ADAMTS10: variants seen among roughly 807,000 people sequenced by gnomAD.
ADAMTS10 encodes the protein A disintegrin and metalloproteinase with thrombospondin motifs 10.
ADAMTS10 carries 48 observed loss-of-function variants against 135.9 expected under a neutral mutation model. The ratio of observed to expected loss-of-function variants is 0.35; its 90% confidence interval spans 0.28 to 0.45. The LOEUF is 0.45. Ranked by LOEUF, ADAMTS10 falls within the 20% of genes least tolerant of loss-of-function variation. The pLI, the probability that ADAMTS10 is intolerant of heterozygous loss-of-function variation, is 1.00. For synonymous variants in ADAMTS10, 621 were observed against 647.5 expected (o/e 0.96, Z 0.62); for missense variants, 1,131 against 1,565.2 (o/e 0.72, Z 4.68).
Position 8,589,795 on chromosome 19 carries a change from G to A in ADAMTS10, c.1900+94C>T, listed in dbSNP as rs750248798. On this transcript the variant is annotated intron_variant, in intron 16 of 25. Coordinates refer to ENST00000597188, the MANE Select transcript of ADAMTS10 (RefSeq NM_030957.4). ...CTCCCCGGGTGGGGACAGGGCTCAGGGCAGACCCCGGGATGCTGCATTCAT... is the reference window on the plus strand; with the variant it reads ...CTCCCCGGGTGGGGACAGGGCTCAGAGCAGACCCCGGGATGCTGCATTCAT... 84 of 1,451,046 alleles carry A rather than the reference G, an allele frequency of 5.8e-5. 1 individual carries two copies. Among genetic ancestry groups the A allele is most frequent in the South Asian group, 5.2e-4 (44 of 85,408 alleles). 89.9% of individuals were successfully genotyped at this position (1,451,046 alleles called of 1,614,324 possible). A position where few individuals can be genotyped will look rare whatever the true frequency, so the allele number is the denominator to read the frequency against.
intron 25 of ADAMTS10, 134 bp from the exon 26 acceptor site, chr19:8,581,136 T>C (rs1555735730): frequency 2.3e-5 from 4 of 171,040 alleles, no homozygotes; most frequent in African/African-American, 5.2e-5. Flanking sequence ...TTTACTTTTT[T>C]TTTTTTTTTT....
Position 8,605,373 on chromosome 19 carries a change from C to T in ADAMTS10, c.89-15G>A, listed in dbSNP as rs1555742376. ...CAGGAACTCATCTGTGGGTGAGGGT[C>T]AGAGGCCTGGGGTGGGCCCTGGTCT... On this transcript the variant is annotated splice_polypyrimidine_tract_variant and intron_variant, in intron 3 of 25. Transcript: ENST00000597188. This position sits in a 1 kb window ranked among gnomAD's most constrained non-coding sequence, Gnocchi z 7.7. 4 of 1,582,360 alleles carry T rather than the reference C, an allele frequency of 2.5e-6. No homozygotes were observed. The highest frequency in any genetic ancestry group is 3.3e-4 in the Middle Eastern group (2 of 6,014).
intron 6 of ADAMTS10, 67 bp from the exon 7 acceptor site, chr19:8,597,384 A>G: frequency 7.2e-7 from 1 of 1,382,376 alleles, no homozygotes; most frequent in Admixed American, 1.9e-5. Flanking sequence ...GAAAAGCAAA[A>G]ACAATGATAA....
intron 1 of ADAMTS10, among the ~76,000 whole-genome samples, chr19:8,610,293 T>C (rs1448800127): frequency 1.3e-5 from 2 of 150,798 alleles, no homozygotes; most frequent in Admixed American, 6.6e-5. Flanking sequence ...CACACTCGCC[T>C]CCAGATCTGC....
chr19:8,585,549 G>A lies in ADAMTS10; in HGVS notation c.2772C>T (p.Asp924=), dbSNP rs781947411. 5.7e-6 allele frequency: 9 copies of A among 1,590,078 alleles called. No individual in the cohort carries two copies. In the South Asian group the frequency reaches 7.9e-5, roughly 14 times the overall value. ...GGCGCGGCTGCGGGCATGCGCTGTCGTCCAGCGCCTTCTCCTCCGCGGCAG... is the reference window on the plus strand; with the variant it reads ...GGCGCGGCTGCGGGCATGCGCTGTCATCCAGCGCCTTCTCCTCCGCGGCAG... ...RVSAAEEKAL[D]DSACPQPRPP... The change falls in exon 23 of 26, where the codon GAC becomes GAT. Residue 924 remains aspartate, a synonymous_variant. Transcript: ENST00000597188.
chr19:8,602,442 C>A, intron 5 of ADAMTS10, among the ~76,000 whole-genome samples: 1 of 152,018 alleles, frequency 6.6e-6, no homozygotes, highest in East Asian at 1.9e-4. Flanking sequence ...CCTTAGCCTC[C>A]CAAGTAGCTG....
In ADAMTS10 at chr19:8,605,170, G is replaced by C. The variant is rs1474147548; in HGVS notation, c.277C>G (p.Arg93Gly). 1 of 1,613,948 alleles carries C rather than the reference G, an allele frequency of 6.2e-7. No individual in the cohort carries two copies. Among genetic ancestry groups the C allele is most frequent in the African/African-American group, 1.3e-5 (1 of 74,944 alleles). Reference protein sequence around the residue: ...PSTHFLLNLTRSSRLLAGHVS... With the variant: ...PSTHFLLNLTGSSRLLAGHVS... ...TGCCCTGCCAGTAGACGGGAGCTGC[G>C]GGTCAGGTTCAGCAGGAAGTGGGTG... Residue 93 changes from arginine (R) to glycine (G), a missense_variant, in exon 4 of 26, where the codon CGC becomes GGC. By Grantham distance (125) the Arg-to-Gly change is moderately radical. Around this residue, in one of 3 missense-constraint regions of ADAMTS10, gnomAD observed 306 missense variants for 344.4 expected, o/e 0.89. Coordinates refer to ENST00000597188, the MANE Select transcript of ADAMTS10 (RefSeq NM_030957.4). The surrounding 1 kb of genome is among the most constrained non-coding windows in gnomAD (Gnocchi z 7.7).
intron 12 of ADAMTS10, among the ~76,000 whole-genome samples, chr19:8,595,392 T>C (rs781798158): frequency 6.6e-6 from 1 of 152,088 alleles, no homozygotes; most frequent in African/African-American, 2.4e-5. Flanking sequence ...CCCAGGGAAA[T>C]TATTTCCGTC....
chr19:8,591,513 C>T (rs544541627), intron 15 of ADAMTS10, among the ~76,000 whole-genome samples: 34 of 150,670 alleles, frequency 2.3e-4, no homozygotes, highest in Middle Eastern at 6.9e-3. Context: ...GCGATCTCGG[C>T]TCACTGCAGC....
In ADAMTS10 at chr19:8,605,882, G is replaced by T; in HGVS notation, c.-99-73C>A. The T allele has an allele frequency of 7.3e-7, 1 of 1,362,558 alleles. No homozygotes were observed. The highest frequency in any genetic ancestry group is 9.7e-7 in the Non-Finnish European group (1 of 1,031,920). 84.4% of individuals were successfully genotyped at this position (1,362,558 alleles called of 1,614,324 possible). ...CACAACCAATGCCAAGGCCAATCAT[G>T]GCCAAAGCTTTTCACCTGACTCTGA... On this transcript the variant is annotated intron_variant, in intron 2 of 25. Transcript: ENST00000597188. This position sits in a 1 kb window ranked among gnomAD's most constrained non-coding sequence, Gnocchi z 7.7.
chr19:8,601,045 C>G lies in ADAMTS10; in HGVS notation c.693G>C (p.Leu231=). 1 of 1,614,194 alleles carries G rather than the reference C, an allele frequency of 6.2e-7. No homozygotes were observed. Residue 231 remains leucine, a synonymous_variant, in exon 6 of 26, where the codon CTG becomes CTC. Transcript: ENST00000597188. This position sits in a 1 kb window ranked among gnomAD's most constrained non-coding sequence, Gnocchi z 4.6. ...GNETERGQPG[L]KRSVSRERYV... ...AGCGCTCTCGGCTGACCGATCGCTT[C>G]AGGCCTGGCTGGCCACGCTCTGTTT...
At chr19:8,583,637 A>G (rs1484716593) in intron 25 of ADAMTS10, among the ~76,000 whole-genome samples, 1 of 151,474 alleles carries the variant, frequency 6.6e-6, no homozygotes, top group Non-Finnish European at 1.5e-5. Context: ...ACTTGAGGCC[A>G]GGAGTTCAAG....
chr19:8,585,117 G>A lies in ADAMTS10; in HGVS notation c.3042+15C>T, dbSNP rs1555736541. The A allele has an allele frequency of 2.1e-6, 3 of 1,453,444 alleles. No individual in the cohort carries two copies. The highest frequency in any genetic ancestry group is 2.9e-5 in the African/African-American group (2 of 68,584). 90.0% of individuals were successfully genotyped at this position (1,453,444 alleles called of 1,614,324 possible). On this transcript the variant is annotated intron_variant, in intron 24 of 25. Transcript: ENST00000597188. Reference sequence around the variant, plus strand: ...CCTGCCCTGGCCCCCACCCCTCTGGGGCGCGCCCTCCTACCTCACCCCACT... The same window carrying A: ...CCTGCCCTGGCCCCCACCCCTCTGGAGCGCGCCCTCCTACCTCACCCCACT...
rs1048839183 is a variant in ADAMTS10 at position 8,585,163 on chromosome 19, G to A, written c.3011C>T (p.Pro1004Leu). Residue 1004 changes from proline (P) to leucine (L), a missense_variant, in exon 24 of 26, where the codon CCG becomes CTG. Around this residue, in one of 3 missense-constraint regions of ADAMTS10, gnomAD observed 745 missense variants for 1,056.3 expected, o/e 0.71. Coordinates refer to ENST00000597188, the MANE Select transcript of ADAMTS10 (RefSeq NM_030957.4). ...CCACTCGCCAGCCACCCAGCGGGCC[G>A]GGGGGCAGCGGCGCAAGTTGCAGCG... ...TMRCNLRRCP[P>L]ARWVAGEWGE... 6.5e-5 allele frequency: 92 copies of A among 1,408,954 alleles called. No homozygotes were observed. The highest frequency in any genetic ancestry group is 7.5e-5 in the Non-Finnish European group (82 of 1,087,250). The allele number at this position is 1,408,954 out of a possible 1,614,324, so 87.3% of individuals were successfully genotyped here. A position where few individuals can be genotyped will look rare whatever the true frequency, so the allele number is the denominator to read the frequency against.
At chr19:8,609,639 C>G (rs78127325) in intron 1 of ADAMTS10, among the ~76,000 whole-genome samples, 2 of 152,072 alleles carry the variant, frequency 1.3e-5, no homozygotes, top group Non-Finnish European at 2.9e-5. Flanking sequence ...AGGGGGCCGG[C>G]GCCCGGGCTG....
intron 25 of ADAMTS10, among the ~76,000 whole-genome samples, chr19:8,581,549 A>G (rs1324021896): frequency 6.6e-6 from 1 of 152,040 alleles, no homozygotes; most frequent in Non-Finnish European, 1.5e-5. Flanking sequence ...AAAAGAAAAA[A>G]ATAGGCTGGG....
Position 8,605,518 on chromosome 19 carries a change from C to T in ADAMTS10, c.88+105G>A, listed in dbSNP as rs2045923429. 14 of 1,471,236 alleles carry T rather than the reference C, an allele frequency of 9.5e-6. 1 individual carries two copies. In the South Asian group the frequency reaches 1.6e-4, roughly 17 times the overall value. The allele number at this position is 1,471,236 out of a possible 1,614,324, so 91.1% of individuals were successfully genotyped here. A position where few individuals can be genotyped will look rare whatever the true frequency, so the allele number is the denominator to read the frequency against. ...CGCCTATTGACCCCAGGGCCTTCCC[C>T]CATTGACCCCCATCCCAGCCCCCTG... On this transcript the variant is annotated intron_variant, in intron 3 of 25. Coordinates refer to ENST00000597188, the MANE Select transcript of ADAMTS10 (RefSeq NM_030957.4). This position sits in a 1 kb window ranked among gnomAD's most constrained non-coding sequence, Gnocchi z 7.7.
chr19:8,590,843 G>C (rs1438013523), intron 15 of ADAMTS10, among the ~76,000 whole-genome samples: 1 of 152,198 alleles, frequency 6.6e-6, no homozygotes, highest in Non-Finnish European at 1.5e-5. Context: ...TGATCTGCCT[G>C]CCTCAGCCTC....
At chr19:8,609,813 A>T (rs2042761351) in intron 1 of ADAMTS10, among the ~76,000 whole-genome samples, 1 of 151,946 alleles carries the variant, frequency 6.6e-6, no homozygotes, top group Non-Finnish European at 1.5e-5. Flanking sequence ...ACCCCGCGCA[A>T]CCAGAGACCG....
Sources: allele counts gnomAD v4.1 joint callset (sites outside exome capture counted in the v4.1 genomes callset), GRCh38; gene constraint gnomAD v4.1.1; regional missense constraint gnomAD v4.1.1; non-coding constraint Gnocchi (gnomAD v3.1); transcripts MANE v1.5; gene names NCBI Gene and HGNC (gene_info 2026-07-23, HGNC 2026-07-21).